The following TBC1D12 variants were observed in gnomAD, a reference collection of about 807,000 sequenced individuals.
TBC1D12 encodes the protein TBC1 domain family member 12.
Under a neutral mutation model 86.7 loss-of-function variants are expected in TBC1D12, and 56 were observed. The observed-to-expected ratio is 0.65, with a 90% CI of 0.52 to 0.81. TBC1D12 has a LOEUF of 0.81. Among genes scored for constraint, TBC1D12 ranks in the 30% least tolerant of loss-of-function variants. TBC1D12 has a pLI of 0.00. For missense variants in TBC1D12, 1,023 were observed against 1,038.8 expected (o/e 0.98, Z 0.21); for synonymous variants, 421 against 411.7 (o/e 1.02, Z -0.27).
chr10:94,464,044 T>G (rs1237695480), intron 2 of TBC1D12, among the ~76,000 whole-genome samples: 3 of 152,166 alleles, frequency 2.0e-5, no homozygotes, highest in Non-Finnish European at 4.4e-5. Flanking sequence ...TTTTATGAAG[T>G]TTTTATCTGA....
chr10:94,476,369 T>A (rs1030609043), intron 3 of TBC1D12, among the ~76,000 whole-genome samples: 1 of 152,198 alleles, frequency 6.6e-6, no homozygotes, highest in Non-Finnish European at 1.5e-5. Flanking sequence ...TTTTAGGATT[T>A]GATGAATATG....
rs146534649 is a variant in TBC1D12, at chr10:94,525,921, C to T, written c.2000+3468C>T. 5.4e-3 allele frequency among the ~76,000 whole-genome samples: 821 copies of T among 152,194 alleles called. 3 individuals are homozygous for T. The highest frequency in any genetic ancestry group is 9.8e-3 in the Admixed American group (150 of 15,282). On this transcript the variant is annotated intron_variant, in intron 11 of 12. Transcript: ENST00000225235. ...TCAGGGTAATTAGCATATCCATCAT[C>T]TCAAACATTTATCATTTCTTTGTGT...
chr10:94,405,745 T>A (rs909238817), intron 1 of TBC1D12, among the ~76,000 whole-genome samples: 1 of 151,926 alleles, frequency 6.6e-6, no homozygotes, highest in African/African-American at 2.4e-5. Flanking sequence ...TACCTGCAGG[T>A]GGGGTGCAGG....
intron 1 of TBC1D12, among the ~76,000 whole-genome samples, chr10:94,419,040 A>T (rs1436003237): frequency 6.6e-6 from 1 of 151,594 alleles, no homozygotes; most frequent in Non-Finnish European, 1.5e-5. Flanking sequence ...ACGCCCAGCT[A>T]TTTTTTGTAT....
chr10:94,426,715 T>G (rs1177768244), intron 1 of TBC1D12, among the ~76,000 whole-genome samples: 2 of 152,102 alleles, frequency 1.3e-5, no homozygotes, highest in Non-Finnish European at 2.9e-5. Flanking sequence ...TAGCTGGGAT[T>G]ACAGGCGCTC....
rs183761750 is a variant in TBC1D12 at position 94,452,216 on chromosome 10, C to T, written c.1095+10197C>T. Among the ~76,000 whole-genome samples the T allele has an allele frequency of 7.4e-4, 112 of 152,088 alleles. No homozygotes were observed. In the East Asian group the frequency reaches 8.5e-3, roughly 12 times the overall value. On this transcript the variant is annotated intron_variant, in intron 2 of 12. Coordinates refer to ENST00000225235, the MANE Select transcript of TBC1D12 (RefSeq NM_015188.2). ...CATATAACTCCTGTCCCCACATACA[C>T]ACAACCTCCTTCACTGTCAGCATCC...
intron 1 of TBC1D12, 78 bp downstream of exon 1, chr10:94,403,662 C>CGGAGCA: frequency 7.2e-7 from 1 of 1,381,164 alleles, no homozygotes; most frequent in Non-Finnish European, 9.3e-7. Flanking sequence ...GAGTCGGAGC[C>CGGAGCA]GGAGCCGGAG....
At position 94,402,713 on chromosome 10, in the gene TBC1D12, C is replaced by G; in HGVS notation, c.100C>G (p.Arg34Gly). ...DPVGQDRKVI[R>G]ATGGFGGGVG... Reference sequence around the variant, plus strand: ...CGTGGGCCAGGACAGGAAGGTAATCCGGGCCACGGGCGGCTTTGGCGGAGG... The same window carrying G: ...CGTGGGCCAGGACAGGAAGGTAATCGGGGCCACGGGCGGCTTTGGCGGAGG... Residue 34 changes from arginine to glycine, a missense_variant, in exon 1 of 13, where the codon CGG becomes GGG. Around this residue, in one of 2 missense-constraint regions of TBC1D12, gnomAD observed 628 missense variants for 531.1 expected, o/e 1.18. Coordinates refer to ENST00000225235, the MANE Select transcript of TBC1D12 (RefSeq NM_015188.2). 6.3e-7 allele frequency: 1 copy of G among 1,580,892 alleles called. No individual in the cohort carries two copies. The highest frequency in any genetic ancestry group is 8.6e-7 in the Non-Finnish European group (1 of 1,163,288).
At chr10:94,520,963 T>G (rs541332614) in intron 9 of TBC1D12, among the ~76,000 whole-genome samples, 2 of 152,230 alleles carry the variant, frequency 1.3e-5, no homozygotes, top group Non-Finnish European at 2.9e-5. Flanking sequence ...GCCTGGCCCA[T>G]TGCAGTTATT....
intron 1 of TBC1D12, among the ~76,000 whole-genome samples, chr10:94,427,878 C>G (rs1404372426): frequency 6.7e-6 from 1 of 150,016 alleles, no homozygotes; most frequent in African/African-American, 2.5e-5. Context: ...GAAAGAAGAC[C>G]TCTATCAGTA....
intron 1 of TBC1D12, among the ~76,000 whole-genome samples, chr10:94,441,669 C>T (rs187844039): frequency 3.2e-4 from 49 of 152,198 alleles, no homozygotes; most frequent in African/African-American, 1.2e-3. Flanking sequence ...GGTTTGCTGC[C>T]CCTATCAACC....
rs946522325 is a variant in TBC1D12 at position 94,533,283 on chromosome 10, A to G, written c.*187A>G. 4.9e-6 allele frequency: 2 copies of G among 409,470 alleles called. No individual in the cohort carries two copies. Among genetic ancestry groups the G allele is most frequent in the African/African-American group, 4.2e-5 (2 of 48,152 alleles). 25.4% of individuals were successfully genotyped at this position (409,470 alleles called of 1,614,324 possible). ...TAAGTAACTTATTGACAGTATTAAT[A>G]AACTATTATTTTGTAGGTAGAGTCA... On this transcript the variant is annotated 3_prime_UTR_variant, in exon 13 of 13. Coordinates refer to ENST00000225235, the MANE Select transcript of TBC1D12 (RefSeq NM_015188.2).
intron 1 of TBC1D12, among the ~76,000 whole-genome samples, chr10:94,404,733 G>A (rs572704181): frequency 6.6e-6 from 1 of 151,912 alleles, no homozygotes; most frequent in South Asian, 2.1e-4. Context: ...TGATTTAATA[G>A]GGATAAATAA....
At chr10:94,490,394 T>C (rs2056230474) in intron 3 of TBC1D12, among the ~76,000 whole-genome samples, 1 of 152,172 alleles carries the variant, frequency 6.6e-6, no homozygotes, top group African/African-American at 2.4e-5. Context: ...ATGTAAAAAA[T>C]GCAATATTTG....
At chr10:94,430,987 G>A (rs911623205) in intron 1 of TBC1D12, among the ~76,000 whole-genome samples, 5 of 152,176 alleles carry the variant, frequency 3.3e-5, no homozygotes, top group Non-Finnish European at 7.3e-5. Context: ...TGTGTGTATA[G>A]ATGGGCGTGT....
At chr10:94,511,723 A>G (rs2056530979) in intron 9 of TBC1D12, 69 bp downstream of exon 9, 2 of 1,057,692 alleles carry the variant, frequency 1.9e-6, no homozygotes, top group Non-Finnish European at 2.9e-6. Flanking sequence ...AAAATATCCT[A>G]TGTTGTATTA....
At chr10:94,514,289 C>G (rs1199312345) in intron 9 of TBC1D12, among the ~76,000 whole-genome samples, 2 of 152,084 alleles carry the variant, frequency 1.3e-5, no homozygotes, top group Admixed American at 6.6e-5. Flanking sequence ...GTGGAAAGAT[C>G]GCTAGAGTTC....
intron 11 of TBC1D12, among the ~76,000 whole-genome samples, chr10:94,530,802 A>C (rs192941178): frequency 1.6e-4 from 24 of 149,796 alleles, no homozygotes; most frequent in Middle Eastern, 3.5e-3. Context: ...AATTCACATA[A>C]TTTTGTTATT....
At chr10:94,505,126 A>T (rs143862141) in intron 6 of TBC1D12, among the ~76,000 whole-genome samples, 42 of 152,294 alleles carry the variant, frequency 2.8e-4, no homozygotes, top group Non-Finnish European at 4.7e-4. Context: ...ATAGTTTTAA[A>T]ATTTGGGTAT....
Sources: allele counts gnomAD v4.1 joint callset (sites outside exome capture counted in the v4.1 genomes callset), GRCh38; gene constraint gnomAD v4.1.1; regional missense constraint gnomAD v4.1.1; transcripts MANE v1.5; gene names NCBI Gene and HGNC (gene_info 2026-07-23, HGNC 2026-07-21).